HECTD4: variants seen among roughly 807,000 people sequenced by gnomAD.
HECTD4 encodes HECT domain E3 ubiquitin protein ligase 4.
HECTD4 carries 114 observed loss-of-function variants against 471.5 expected under a neutral mutation model. That is an observed-to-expected ratio of 0.24 (90% CI 0.21 to 0.28). The LOEUF (loss-of-function observed/expected upper bound fraction) is 0.28, where lower values mean the gene tolerates loss of function less well. Ranked by LOEUF, HECTD4 falls within the 10% of genes least tolerant of loss-of-function variation. HECTD4 has a pLI of 1.00. For synonymous variants in HECTD4, 2,012 were observed against 2,256.0 expected (o/e 0.89, Z 3.07); for missense variants, 3,866 against 5,651.5 (o/e 0.68, Z 10.13).
chr12:112,362,560 A>T (rs2036469519), intron 1 of HECTD4, among the ~76,000 whole-genome samples: 1 of 152,184 alleles, frequency 6.6e-6, no homozygotes, highest in Non-Finnish European at 1.5e-5. Flanking sequence ...CGCATCACTC[A>T]TACGTGCACT....
Position 112,243,650 on chromosome 12 carries a change from A to G in HECTD4, c.4761T>C (p.Phe1587=). ...GGTCAGGGTTGGTGCCGATGAAAGC[A>G]AACAGCTGCCCTAGCAGGACACTGT... The part of the protein sequence containing the change: ...PTYSVLLGQL[F]AFIGTNPDQA... Residue 1587 remains phenylalanine (F), a synonymous_variant, in exon 31 of 76, where the codon TTT becomes TTC. Coordinates refer to ENST00000682272, the MANE Select transcript of HECTD4 (RefSeq NM_001388303.1). This position sits in a 1 kb window ranked among gnomAD's most constrained non-coding sequence, Gnocchi z 6.6. 4 of 1,612,662 alleles carry G rather than the reference A, an allele frequency of 2.5e-6. No homozygotes were observed. In the South Asian group the frequency reaches 4.4e-5, roughly 18 times the overall value.
At chr12:112,207,030 T>A (rs1052838046) in intron 52 of HECTD4, among the ~76,000 whole-genome samples, 1 of 152,082 alleles carries the variant, frequency 6.6e-6, no homozygotes, top group African/African-American at 2.4e-5. Context: ...ATTAGAAGAT[T>A]AGGGAACAAT....
In HECTD4 at chr12:112,248,128, T is replaced by A; in HGVS notation, c.4187A>T (p.Asp1396Val). 6.2e-7 allele frequency: 1 copy of A among 1,613,694 alleles called. No homozygotes were observed. The highest frequency in any genetic ancestry group is 8.5e-7 in the Non-Finnish European group (1 of 1,179,780). The change falls in exon 27 of 76, where the codon GAT (aspartate) becomes GTT (valine). Residue 1396 changes from aspartate to valine, a missense_variant. Physicochemically the swap from Asp to Val is radical, Grantham distance 152. Coordinates refer to ENST00000682272, the MANE Select transcript of HECTD4 (RefSeq NM_001388303.1). ...LEQKWQSEVDDAMQGKLENNM... is the reference protein window; with the variant it reads ...LEQKWQSEVDVAMQGKLENNM... ...GTTCTCCAGTTTCCCCTGCATGGCA[T>A]CATCAACTTCACTTTGCCATTTTTG...
chr12:112,323,531 T>A (rs2035626614), intron 1 of HECTD4, among the ~76,000 whole-genome samples: 1 of 152,058 alleles, frequency 6.6e-6, no homozygotes, highest in Non-Finnish European at 1.5e-5. Flanking sequence ...CTAATGGCAT[T>A]TTGTTGAGAG....
At chr12:112,343,322 C>T (rs535917044) in intron 1 of HECTD4, among the ~76,000 whole-genome samples, 1 of 152,306 alleles carries the variant, frequency 6.6e-6, no homozygotes, top group African/African-American at 2.4e-5. Flanking sequence ...TCTTTGAACA[C>T]TATTTCTAAA....
intron 49 of HECTD4, among the ~76,000 whole-genome samples, 160 bp downstream of exon 49, chr12:112,212,327 G>T (rs2032788032): frequency 6.6e-6 from 1 of 152,300 alleles, no homozygotes; most frequent in East Asian, 1.9e-4. Flanking sequence ...CAACACAAAG[G>T]AAGACACACA....
rs902038325 is a variant in HECTD4 at position 112,163,493 on chromosome 12, C to T, written c.12897+49G>A. On this transcript the variant is annotated intron_variant, in intron 74 of 75. Coordinates refer to ENST00000682272, the MANE Select transcript of HECTD4 (RefSeq NM_001388303.1). The surrounding 1 kb of genome is among the most constrained non-coding windows in gnomAD (Gnocchi z 8.2). ...TGGAGTTGAGGGTGACAGGGAGGCA[C>T]GCCTGGGGCTCACCACCTCCCCGCC... 63 of 1,418,424 alleles carry T rather than the reference C, an allele frequency of 4.4e-5. No homozygotes were observed. Among genetic ancestry groups the T allele is most frequent in the Non-Finnish European group, 5.3e-5 (57 of 1,071,284 alleles). 87.9% of individuals were successfully genotyped at this position (1,418,424 alleles called of 1,614,324 possible).
At chr12:112,317,809 T>C (rs1253742982) in intron 2 of HECTD4, among the ~76,000 whole-genome samples, 1 of 151,848 alleles carries the variant, frequency 6.6e-6, no homozygotes, top group Non-Finnish European at 1.5e-5. Flanking sequence ...GGAAACCCCG[T>C]CTCTACCAAA....
In HECTD4 at chr12:112,300,308, A is replaced by C. The variant is rs546568121; in HGVS notation, c.1335+5756T>G. Among the ~76,000 whole-genome samples, 4 of 125,774 alleles carry C rather than the reference A, an allele frequency of 3.2e-5. No homozygotes were observed. The East Asian group carries it at 5.2e-3, about 162-fold the overall frequency. The allele number at this position is 125,774 out of a possible 152,430, so 82.5% of individuals were successfully genotyped here. ...GAGTGACAGAGGAAGATTCCATCTC[A>C]AAAAAAAAAAAAAAAGAAAGAAAGA... On this transcript the variant is annotated intron_variant, in intron 7 of 75. Coordinates refer to ENST00000682272, the MANE Select transcript of HECTD4 (RefSeq NM_001388303.1).
At chr12:112,247,113 T>C (rs1273217443) in intron 28 of HECTD4, 37 bp from the exon 29 acceptor site, 4 of 1,484,076 alleles carry the variant, frequency 2.7e-6, no homozygotes, top group Non-Finnish European at 3.7e-6. Flanking sequence ...AGTTGTTCTC[T>C]AGCTTATCAA....
At chr12:112,362,618 T>C (rs1056759902) in intron 1 of HECTD4, among the ~76,000 whole-genome samples, 11 of 152,118 alleles carry the variant, frequency 7.2e-5, no homozygotes, top group African/African-American at 2.4e-4. Context: ...TGGCTGCTGC[T>C]GGGAAGTTGG....
At chr12:112,350,556 A>T (rs559672571) in intron 1 of HECTD4, among the ~76,000 whole-genome samples, 1 of 152,300 alleles carries the variant, frequency 6.6e-6, no homozygotes, top group East Asian at 1.9e-4. Flanking sequence ...AAGCCAATGA[A>T]GTCAAACAGG....
intron 17 of HECTD4, chr12:112,262,132 G>A (rs188398354): frequency 6.3e-4 from 96 of 152,170 alleles, no homozygotes; most frequent in African/African-American, 2.1e-3. Context: ...AACTCTTTGG[G>A]GGACATGTTT....
intron 1 of HECTD4, among the ~76,000 whole-genome samples, chr12:112,345,850 G>T (rs1211450865): frequency 6.6e-6 from 1 of 152,146 alleles, no homozygotes; most frequent in Non-Finnish European, 1.5e-5. Flanking sequence ...AGCAGAGATC[G>T]TGCCACTGCA....
Position 112,248,315 on chromosome 12 carries a change from T to A in HECTD4, c.4143+5A>T. 6.4e-7 allele frequency: 1 copy of A among 1,573,624 alleles called. No homozygotes were observed. ...AATTGTTTCCAACAGTTATCAGACA[T>A]TTACCTGCAGCTGTCTCTCCATGGC... On this transcript the variant is annotated splice_donor_5th_base_variant and intron_variant, in intron 26 of 75. Coordinates refer to ENST00000682272, the MANE Select transcript of HECTD4 (RefSeq NM_001388303.1).
chr12:112,205,599 C>CT (rs927532360), intron 52 of HECTD4, among the ~76,000 whole-genome samples: 37 of 147,506 alleles, frequency 2.5e-4, no homozygotes, highest in Non-Finnish European at 3.2e-4. Flanking sequence ...TTTTCTTTTT[C>CT]TTTTTTTTTT....
chr12:112,379,832 G>C (rs559338780), intron 1 of HECTD4, among the ~76,000 whole-genome samples: 1 of 151,136 alleles, frequency 6.6e-6, no homozygotes, highest in East Asian at 1.9e-4. Flanking sequence ...AACATGGAAA[G>C]AATGAAACAA....
At chr12:112,353,903 G>A (rs1049603010) in intron 1 of HECTD4, among the ~76,000 whole-genome samples, 1 of 152,000 alleles carries the variant, frequency 6.6e-6, no homozygotes, top group East Asian at 1.9e-4. Flanking sequence ...ATATGTGCTC[G>A]ACAGGATTAA....
In HECTD4 at chr12:112,162,419, T is replaced by C. The variant is rs1016716958; in HGVS notation, c.13225A>G (p.Ile4409Val). Residue 4409 changes from isoleucine (I) to valine (V), a missense_variant, in exon 76 of 76, where the codon ATT (isoleucine) becomes GTT (valine). This residue lies in a region of HECTD4 where 715 missense variants were observed against 1,087.6 expected (regional missense o/e 0.66). Coordinates refer to ENST00000682272, the MANE Select transcript of HECTD4 (RefSeq NM_001388303.1). This position sits in a 1 kb window ranked among gnomAD's most constrained non-coding sequence, Gnocchi z 5.2. ...CTGAGGGGGTCTTCACGGTAGTGAA[T>C]GGCACAACGAAGTTTCTCCAGCATG... ...EIMLEKLRCA[I>V]HYREDPLSG The C allele has an allele frequency of 1.2e-6, 2 of 1,613,896 alleles. No individual in the cohort carries two copies. The highest frequency in any genetic ancestry group is 2.7e-5 in the African/African-American group (2 of 74,928).
Sources: gnomAD v4.1 joint callset for allele counts (sites outside exome capture counted in the v4.1 genomes callset) on GRCh38, gnomAD v4.1.1 for gene constraint, gnomAD v4.1.1 regional missense constraint, Gnocchi (gnomAD v3.1) non-coding constraint, MANE v1.5 for transcripts, NCBI Gene and HGNC (gene_info 2026-07-23, HGNC 2026-07-21) for gene names.